GALNT13: variants seen among roughly 807,000 people sequenced by gnomAD.
GALNT13 encodes UDP-GalNAc:polypeptide N-acetylgalactosaminyltransferase 13.
In GALNT13, 28 loss-of-function variants were observed where a neutral mutation model predicts 64.2. The observed-to-expected ratio is 0.44, with a 90% confidence interval of 0.32 to 0.60. The LOEUF (loss-of-function observed/expected upper bound fraction) is 0.60. GALNT13 is among the 20% of genes least tolerant of loss of function. The pLI is 0.05. For missense variants in GALNT13, 577 were observed against 669.8 expected (o/e 0.86, Z 1.53); for synonymous variants, 214 against 224.6 (o/e 0.95, Z 0.42).
chr2:154,196,220 TACTC>T (rs964134899), intron 4 of GALNT13, among the ~76,000 whole-genome samples: 1 of 150,470 alleles, frequency 6.6e-6, no homozygotes, highest in Non-Finnish European at 1.5e-5. Context: ...AATGATCTGA[TACTC>T]AAAAAAAAAA....
At chr2:154,434,491 C>G (rs942936006) in intron 11 of GALNT13, among the ~76,000 whole-genome samples, 1 of 152,114 alleles carries the variant, frequency 6.6e-6, no homozygotes, top group South Asian at 2.1e-4. Context: ...AATCTCCTGA[C>G]CTCGTGATCC....
intron 4 of GALNT13, among the ~76,000 whole-genome samples, chr2:154,149,184 A>G (rs1683816746): frequency 2.6e-5 from 4 of 152,160 alleles, no homozygotes; most frequent in Admixed American, 2.6e-4. Flanking sequence ...TTAAATAGGG[A>G]ATCCTTTCCC....
At chr2:153,885,225 T>C (rs1349576490) in intron 1 of GALNT13, among the ~76,000 whole-genome samples, 1 of 152,042 alleles carries the variant, frequency 6.6e-6, no homozygotes, top group African/African-American at 2.4e-5. Context: ...TACAGAGCTC[T>C]TACTTGCTCT....
rs374990325 is a variant in GALNT13 at position 154,288,006 on chromosome 2, T to A, written c.976-13403T>A. On this transcript the variant is annotated intron_variant, in intron 8 of 12. Coordinates refer to ENST00000392825, the MANE Select transcript of GALNT13 (RefSeq NM_052917.4). ...TTGCTTTTATTGGTCCCTGTATTAG[T>A]CCGTTCTCACACTGCTAGTAAAGAC... 7.2e-5 allele frequency among the ~76,000 whole-genome samples: 11 copies of A among 152,206 alleles called. No homozygotes were observed. The South Asian group carries it at 2.3e-3, about 32-fold the overall frequency.
At chr2:153,834,036 A>G in the GALNT13 span, among the ~76,000 whole-genome samples, 1 of 152,120 alleles carries the variant, frequency 6.6e-6, no homozygotes. Context: ...TGATTTAGGC[A>G]TACTCAATTT....
the GALNT13 span, among the ~76,000 whole-genome samples, chr2:153,092,125 G>A: frequency 3.3e-5 from 5 of 152,128 alleles, 2 homozygotes; most frequent in East Asian, 9.7e-4. Context: ...TATGTTTTTG[G>A]CACCTTTGTC....
chr2:153,080,682 C>T, the GALNT13 span, among the ~76,000 whole-genome samples: 13 of 151,872 alleles, frequency 8.6e-5, no homozygotes, highest in African/African-American at 2.7e-4. Context: ...ATTTTTTGTC[C>T]GCTTGATCTT....
the GALNT13 span, among the ~76,000 whole-genome samples, chr2:153,319,302 TCTCA>T: frequency 2.9e-3 from 435 of 152,288 alleles, 13 homozygotes; most frequent in East Asian, 0.079. Flanking sequence ...GGTCTCAAGG[TCTCA>T]CTCTGTCATC....
the GALNT13 span, among the ~76,000 whole-genome samples, chr2:153,500,598 A>C: frequency 6.6e-6 from 1 of 152,222 alleles, no homozygotes; most frequent in Non-Finnish European, 1.5e-5. Flanking sequence ...CTGCAGTTAG[A>C]GATCACTGGT....
the GALNT13 span, among the ~76,000 whole-genome samples, chr2:153,205,759 A>G: frequency 6.6e-6 from 1 of 152,070 alleles, no homozygotes; most frequent in South Asian, 2.1e-4. Context: ...TTTGCCCTGA[A>G]TGTTGATTTA....
the GALNT13 span, among the ~76,000 whole-genome samples, chr2:153,281,045 T>A: frequency 8.8e-3 from 1,346 of 152,286 alleles, 14 homozygotes; most frequent in Middle Eastern, 0.061. Flanking sequence ...GGTGCTCTAA[T>A]GTTGGGTGCC....
At chr2:154,311,321 A>G (rs1295500632) in intron 9 of GALNT13, among the ~76,000 whole-genome samples, 1 of 152,128 alleles carries the variant, frequency 6.6e-6, no homozygotes, top group Non-Finnish European at 1.5e-5. Flanking sequence ...TTGAGAAATA[A>G]AAGGACAGAG....
chr2:153,082,604 TATATATATATATATACACAC>T, the GALNT13 span, among the ~76,000 whole-genome samples: 23 of 43,988 alleles, frequency 5.2e-4, no homozygotes, highest in African/African-American at 1.0e-3. Context: ...TATATATATA[TATATATATATATATACACAC>T]ACACACACAC....
the GALNT13 span, among the ~76,000 whole-genome samples, chr2:153,097,494 T>C: frequency 1.3e-5 from 2 of 152,164 alleles, no homozygotes; most frequent in South Asian, 4.1e-4. Flanking sequence ...TTTAAATTTT[T>C]GTTCAAATGC....
At chr2:153,796,379 A>T in the GALNT13 span, among the ~76,000 whole-genome samples, 1 of 152,202 alleles carries the variant, frequency 6.6e-6, no homozygotes, top group Non-Finnish European at 1.5e-5. Flanking sequence ...TGCTTTATGC[A>T]TTATTTAATA....
At chr2:153,770,758 A>G in the GALNT13 span, among the ~76,000 whole-genome samples, 4 of 152,230 alleles carry the variant, frequency 2.6e-5, no homozygotes, top group Admixed American at 2.6e-4. Context: ...TGTAATGCAC[A>G]GTAGTCTGAG....
the GALNT13 span, among the ~76,000 whole-genome samples, chr2:153,133,180 C>G: frequency 6.6e-6 from 1 of 152,062 alleles, no homozygotes; most frequent in East Asian, 1.9e-4. Context: ...TTTCTGAAAT[C>G]TCAGTCACAC....
At chr2:153,350,100 CT>C in the GALNT13 span, among the ~76,000 whole-genome samples, 2 of 152,238 alleles carry the variant, frequency 1.3e-5, no homozygotes, top group East Asian at 3.9e-4. Context: ...CTCATGTAAT[CT>C]AGGAGTGGCT....
the GALNT13 span, among the ~76,000 whole-genome samples, chr2:153,609,460 C>T: frequency 6.6e-6 from 1 of 152,144 alleles, no homozygotes; most frequent in African/African-American, 2.4e-5. Context: ...GCTCCTCTTA[C>T]ACCCGTTTCC....
Sources: gnomAD v4.1 joint callset for allele counts (sites outside exome capture counted in the v4.1 genomes callset) on GRCh38, gnomAD v4.1.1 for gene constraint, MANE v1.5 for transcripts, NCBI Gene and HGNC (gene_info 2026-07-23, HGNC 2026-07-21) for gene names.